The following RBFOX3 variants were observed in gnomAD, a reference collection of about 807,000 sequenced individuals.
RBFOX3 encodes RNA binding protein fox-1 homolog 3.
In RBFOX3, 17 loss-of-function variants were observed where a neutral mutation model predicts 48.7. The ratio of observed to expected loss-of-function variants is 0.35; its 90% confidence interval spans 0.24 to 0.52. The LOEUF is 0.52. Ranked by LOEUF, RBFOX3 falls within the 20% of genes least tolerant of loss-of-function variation. RBFOX3 has a pLI of 0.94. For synonymous variants in RBFOX3, 212 were observed against 209.5 expected, an observed-to-expected ratio of 1.01 and a Z score of -0.10; for missense variants, 382 against 497.5, an observed-to-expected ratio of 0.77 and a Z score of 2.21.
At chr17:79,176,713 G>A (rs965735570) in intron 4 of RBFOX3, among the ~76,000 whole-genome samples, 4 of 152,110 alleles carry the variant, frequency 2.6e-5, no homozygotes, top group Non-Finnish European at 4.4e-5. Context: ...GGAATCTTCC[G>A]GGAGGAAGTA....
At chr17:79,485,028 G>A (rs2079354318) in intron 1 of RBFOX3, among the ~76,000 whole-genome samples, 2 of 152,202 alleles carry the variant, frequency 1.3e-5, no homozygotes, top group Admixed American at 6.5e-5. Context: ...CCCAGACAGG[G>A]CTCCCAGAGC....
At chr17:79,200,720 C>T (rs572193281) in intron 4 of RBFOX3, among the ~76,000 whole-genome samples, 2 of 152,112 alleles carry the variant, frequency 1.3e-5, no homozygotes, top group African/African-American at 4.8e-5. Context: ...TAAAAGCAAA[C>T]GAGAACTTTG....
At chr17:79,264,091 C>A (rs1480560833) in intron 3 of RBFOX3, among the ~76,000 whole-genome samples, 2 of 139,996 alleles carry the variant, frequency 1.4e-5, no homozygotes, top group Non-Finnish European at 3.2e-5. Flanking sequence ...GCCCTGTTGG[C>A]ATCTTTTTTT....
chr17:79,354,929 A>C (rs1243401811), intron 2 of RBFOX3, among the ~76,000 whole-genome samples: 6 of 152,198 alleles, frequency 3.9e-5, no homozygotes, highest in African/African-American at 1.4e-4. Context: ...TTAATAGAGA[A>C]TTGCACTTGG....
chr17:79,547,037 T>C (rs2090539384), intron 1 of RBFOX3, among the ~76,000 whole-genome samples: 1 of 151,946 alleles, frequency 6.6e-6, no homozygotes, highest in Admixed American at 6.6e-5. Context: ...GGAAGGTGGG[T>C]CTGAGCCTGA....
At chr17:79,331,499 GC>G (rs2080288365) in intron 2 of RBFOX3, among the ~76,000 whole-genome samples, 1 of 152,144 alleles carries the variant, frequency 6.6e-6, no homozygotes, top group Non-Finnish European at 1.5e-5. Flanking sequence ...CATTCCAGAG[GC>G]CTCTGCCCCC....
chr17:79,442,396 AGAGAGAAAGAGAGAC>A (rs2071317972), intron 2 of RBFOX3, among the ~76,000 whole-genome samples: 2 of 140,384 alleles, frequency 1.4e-5, no homozygotes, highest in African/African-American at 5.5e-5. Context: ...AGAGAGAGAG[AGAGAGAAAGAGAGAC>A]AGAGAGAGAG....
chr17:79,221,977 G>C (rs939470550), intron 4 of RBFOX3, among the ~76,000 whole-genome samples: 2 of 152,162 alleles, frequency 1.3e-5, no homozygotes, highest in Non-Finnish European at 2.9e-5. Flanking sequence ...TCTAGAATGA[G>C]ACTGCCCAAA....
intron 4 of RBFOX3, among the ~76,000 whole-genome samples, chr17:79,141,186 G>A (rs2041846775): frequency 6.6e-6 from 1 of 152,186 alleles, no homozygotes; most frequent in African/African-American, 2.4e-5. Context: ...CTGTGGCTGG[G>A]GACAGAATTG....
chr17:79,572,289 C>T (rs1417006176), intron 1 of RBFOX3, among the ~76,000 whole-genome samples: 7 of 152,178 alleles, frequency 4.6e-5, no homozygotes, highest in African/African-American at 9.7e-5. Flanking sequence ...AGGGCAGCAT[C>T]GCCCCGCCAC....
intron 4 of RBFOX3, among the ~76,000 whole-genome samples, chr17:79,123,893 T>G (rs181692167): frequency 9.2e-5 from 14 of 152,302 alleles, no homozygotes; most frequent in Non-Finnish European, 7.4e-5. Flanking sequence ...TCATCTCATC[T>G]TTACTTACCA....
chr17:79,305,833 C>T (rs934356872), intron 3 of RBFOX3, among the ~76,000 whole-genome samples: 1 of 152,228 alleles, frequency 6.6e-6, no homozygotes, highest in Non-Finnish European at 1.5e-5. Context: ...GGGCAGGCAG[C>T]CTCCCTCCAA....
At chr17:79,312,991 G>A (rs1158071579) in intron 2 of RBFOX3, among the ~76,000 whole-genome samples, 1 of 152,194 alleles carries the variant, frequency 6.6e-6, no homozygotes, top group African/African-American at 2.4e-5. Flanking sequence ...AAGCTGAGAT[G>A]TAGGATGCTG....
chr17:79,171,930 A>T (rs530852458), intron 4 of RBFOX3, among the ~76,000 whole-genome samples: 2 of 152,114 alleles, frequency 1.3e-5, no homozygotes, highest in African/African-American at 4.8e-5. Flanking sequence ...CCAGCACTTC[A>T]GGTGGCCAAG....
rs1568102547 is a variant in RBFOX3, at chr17:79,090,002, AG to A, written c.*880del. ...GGCGCCCACGGTGGACTGGGCTCAC[AG>A]GGGAGCGGCAGGGAGGGCTGGGTCC... On this transcript the variant is annotated 3_prime_UTR_variant, in exon 15 of 15. Coordinates refer to ENST00000693108, the MANE Select transcript of RBFOX3 (RefSeq NM_001350451.2). 1 of 152,378 alleles carries A rather than the reference AG, an allele frequency of 6.6e-6. No individual in the cohort carries two copies. The highest frequency in any genetic ancestry group is 1.5e-5 in the Non-Finnish European group (1 of 68,158). 9.4% of individuals were successfully genotyped at this position (152,378 alleles called of 1,614,324 possible).
At chr17:79,094,755 A>G (rs1160128004) in intron 13 of RBFOX3, among the ~76,000 whole-genome samples, 1 of 110,100 alleles carries the variant, frequency 9.1e-6, no homozygotes, top group Admixed American at 9.4e-5. Flanking sequence ...ATATGCCCAC[A>G]GTGTGCTGAC....
intron 4 of RBFOX3, among the ~76,000 whole-genome samples, chr17:79,138,121 C>T (rs143495134): frequency 1.3e-5 from 2 of 152,218 alleles, no homozygotes; most frequent in Non-Finnish European, 2.9e-5. Context: ...CAGCTGGGAG[C>T]CTCTCCAGGC....
rs1962089 is a variant in RBFOX3, at chr17:79,477,428, C to T, written c.-175+5026G>A. Among the ~76,000 whole-genome samples the T allele has an allele frequency of 5.3e-4, 80 of 151,456 alleles. No homozygotes were observed. Among genetic ancestry groups the T allele is most frequent in the Admixed American group, 1.1e-3 (16 of 15,220 alleles). On this transcript the variant is annotated intron_variant, in intron 2 of 14. Transcript: ENST00000693108. The surrounding 1 kb of genome is among the most constrained non-coding windows in gnomAD (Gnocchi z 4.8). ...AACATTAGCCAGACGTGGTGGCGGG[C>T]GCCTGTAGTCCCAGCTACTTGGGAG...
chr17:79,211,255 C>A (rs1410950190), intron 4 of RBFOX3, among the ~76,000 whole-genome samples: 1 of 152,182 alleles, frequency 6.6e-6, no homozygotes, highest in Non-Finnish European at 1.5e-5. Context: ...CGTGGGGAGG[C>A]ACAAGCCCTG....
Sources: allele counts gnomAD v4.1 joint callset (sites outside exome capture counted in the v4.1 genomes callset), GRCh38; gene constraint gnomAD v4.1.1; non-coding constraint Gnocchi (gnomAD v3.1); transcripts MANE v1.5; gene names NCBI Gene and HGNC (gene_info 2026-07-23, HGNC 2026-07-21).